The following CCDC30 variants were observed in gnomAD, a reference collection of about 807,000 sequenced individuals.
CCDC30 encodes the protein coiled-coil domain containing 30.
A neutral mutation model predicts 100.2 loss-of-function variants in CCDC30; 70 were observed. That is an observed-to-expected ratio of 0.70 (90% confidence interval 0.58 to 0.85). The LOEUF is 0.85. Ranked by LOEUF, CCDC30 falls within the 40% of genes least tolerant of loss-of-function variation. The pLI, the probability that CCDC30 is intolerant of heterozygous loss-of-function variation, is 0.00. For synonymous variants in CCDC30, 233 were observed against 269.5 expected (o/e 0.86, Z 1.33); for missense variants, 652 against 771.2 (o/e 0.85, Z 1.83).
chr1:42,639,430 C>T (rs1241762753), intron 12 of CCDC30, among the ~76,000 whole-genome samples: 1 of 152,210 alleles, frequency 6.6e-6, no homozygotes, highest in East Asian at 1.9e-4. Context: ...TTTCAGATTT[C>T]TGTCACTCAA....
downstream of CCDC30, among the ~76,000 whole-genome samples, chr1:42,655,580 G>T (rs1288603387): frequency 6.6e-6 from 1 of 152,022 alleles, no homozygotes; most frequent in Non-Finnish European, 1.5e-5. Context: ...AAATAAAAGT[G>T]GATAGGAAAA....
chr1:42,536,408 T>A, intron 6 of CCDC30, 68 bp from the exon 7 acceptor site: 1 of 982,762 alleles, frequency 1.0e-6, no homozygotes, highest in Non-Finnish European at 1.5e-6. Context: ...AGAAAGTTGT[T>A]ATTATCAGAA....
intron 6 of CCDC30, among the ~76,000 whole-genome samples, chr1:42,543,345 C>A (rs1177235075): frequency 6.6e-6 from 1 of 151,242 alleles, no homozygotes; most frequent in Non-Finnish European, 1.5e-5. Flanking sequence ...TTCTTTCTCA[C>A]TCAGTTGTCT....
At chr1:42,568,467 T>C (rs1645654965) in intron 7 of CCDC30, among the ~76,000 whole-genome samples, 1 of 152,164 alleles carries the variant, frequency 6.6e-6, no homozygotes, top group African/African-American at 2.4e-5. Flanking sequence ...GTCAGCACTT[T>C]ATGGATGAGG....
At chr1:42,655,876 T>C (rs1648642669), downstream of CCDC30, among the ~76,000 whole-genome samples, 1 of 146,878 alleles carries the variant, frequency 6.8e-6, no homozygotes, top group Admixed American at 6.8e-5. Context: ...ACTTTTTTTT[T>C]TTTTTTTTTT....
chr1:42,506,975 G>T (rs1205929220), intron 6 of CCDC30, among the ~76,000 whole-genome samples: 1 of 152,134 alleles, frequency 6.6e-6, no homozygotes, highest in African/African-American at 2.4e-5. Flanking sequence ...TGCCCAGGCT[G>T]GAGTGCAATG....
intron 6 of CCDC30, among the ~76,000 whole-genome samples, chr1:42,554,423 A>G (rs1346372590): frequency 6.6e-6 from 1 of 151,750 alleles, no homozygotes; most frequent in Non-Finnish European, 1.5e-5. Context: ...GACTATTGGT[A>G]TGTACCACCA....
chr1:42,609,792 C>T (rs1415580335), intron 10 of CCDC30, among the ~76,000 whole-genome samples: 1 of 152,164 alleles, frequency 6.6e-6, no homozygotes, highest in Non-Finnish European at 1.5e-5. Flanking sequence ...AACTTAATCT[C>T]CTTAGACAGG....
At chr1:42,642,644 C>T in intron 13 of CCDC30, 35 bp downstream of exon 17, 5 of 1,458,592 alleles carry the variant, frequency 3.4e-6, no homozygotes, top group South Asian at 1.6e-5. Context: ...CAATAAACTC[C>T]ACAAGAGGAT....
At chr1:42,536,923 C>G (rs1467358081) in intron 6 of CCDC30, 2 of 359,780 alleles carry the variant, frequency 5.6e-6, no homozygotes, top group Non-Finnish European at 1.0e-5. Flanking sequence ...AGGCACTAAC[C>G]CTATTGGATT....
At chr1:42,589,158 A>G (rs1570164133) in intron 9 of CCDC30, among the ~76,000 whole-genome samples, 163 bp from the exon 14 acceptor site, 2 of 152,104 alleles carry the variant, frequency 1.3e-5, no homozygotes, top group Admixed American at 1.3e-4. Flanking sequence ...GAAAGCTTCT[A>G]TCACAAAAGA....
intron 9 of CCDC30, among the ~76,000 whole-genome samples, chr1:42,588,198 T>C (rs1646115274): frequency 1.3e-5 from 2 of 152,068 alleles, no homozygotes; most frequent in African/African-American, 4.8e-5. Context: ...ACTGGGAGGG[T>C]ACATTTCTAC....
At chr1:42,563,225 T>C (rs1026807165) in intron 6 of CCDC30, among the ~76,000 whole-genome samples, 2 of 151,974 alleles carry the variant, frequency 1.3e-5, no homozygotes, top group African/African-American at 2.4e-5. Context: ...CAGTGATAGA[T>C]TGGATAAAGG....
At chr1:42,583,499 A>G (rs374374700) in intron 9 of CCDC30, among the ~76,000 whole-genome samples, 1 of 152,200 alleles carries the variant, frequency 6.6e-6, no homozygotes, top group East Asian at 1.9e-4. Context: ...CTACTTTTTC[A>G]CTTAAAATAT....
intron 6 of CCDC30, among the ~76,000 whole-genome samples, chr1:42,543,392 G>T (rs1219660224): frequency 2.6e-5 from 4 of 151,340 alleles, no homozygotes; most frequent in African/African-American, 9.7e-5. Flanking sequence ...CACGATCTTG[G>T]CTCATTGCAA....
At chr1:42,637,596 T>TCCAA (rs1431099659) in intron 12 of CCDC30, among the ~76,000 whole-genome samples, 4 of 152,250 alleles carry the variant, frequency 2.6e-5, no homozygotes, top group African/African-American at 9.6e-5. Flanking sequence ...CTGAAAATAC[T>TCCAA]CTGTACTGCC....
chr1:42,490,844 C>G (rs979453981), intron 4 of CCDC30, among the ~76,000 whole-genome samples: 1 of 152,116 alleles, frequency 6.6e-6, no homozygotes, highest in Non-Finnish European at 1.5e-5. Context: ...GTGATCAATA[C>G]AAATCATGCA....
At chr1:42,493,852 A>G (rs1419441389) in intron 4 of CCDC30, among the ~76,000 whole-genome samples, 3 of 152,208 alleles carry the variant, frequency 2.0e-5, no homozygotes, top group Non-Finnish European at 4.4e-5. Context: ...AAAAGACACA[A>G]ACTACCAAAC....
At chr1:42,471,755 G>A (rs747099771) in intron 1 of CCDC30, among the ~76,000 whole-genome samples, 1 of 152,158 alleles carries the variant, frequency 6.6e-6, no homozygotes, top group Non-Finnish European at 1.5e-5. Flanking sequence ...ATTCAGACTT[G>A]GGTGTTTTTC....
Sources: allele counts gnomAD v4.1 joint callset (sites outside exome capture counted in the v4.1 genomes callset), GRCh38; gene constraint gnomAD v4.1.1; transcripts MANE v1.5; gene names NCBI Gene and HGNC (gene_info 2026-07-23, HGNC 2026-07-21).